Variants in CDK14 observed in about 807,000 individuals in gnomAD.
CDK14 encodes cyclin-dependent kinase 14.
A neutral mutation model predicts 60.7 loss-of-function variants in CDK14; 34 were observed. The observed-to-expected ratio is 0.56, with a 90% CI of 0.43 to 0.75. The LOEUF is 0.75. Ranked by LOEUF, CDK14 falls within the 30% of genes least tolerant of loss-of-function variation. CDK14 has a pLI of 0.00. For synonymous variants in CDK14, 197 were observed against 203.7 expected (o/e 0.97, Z 0.28); for missense variants, 482 against 564.1 (o/e 0.85, Z 1.47).
chr7:91,016,360 T>C (rs1047589166), intron 10 of CDK14, among the ~76,000 whole-genome samples: 2 of 151,820 alleles, frequency 1.3e-5, no homozygotes, highest in Admixed American at 6.6e-5. Flanking sequence ...CTGAATTTTG[T>C]ATTCCTCAAT....
intron 8 of CDK14, among the ~76,000 whole-genome samples, chr7:90,930,329 A>C (rs910243871): frequency 6.6e-6 from 1 of 152,178 alleles, no homozygotes; most frequent in African/African-American, 2.4e-5. Flanking sequence ...GTGCTTTGTC[A>C]CATGTATCCT....
chr7:91,194,798 A>C (rs1462540868), intron 14 of CDK14, among the ~76,000 whole-genome samples: 1 of 152,194 alleles, frequency 6.6e-6, no homozygotes, highest in African/African-American at 2.4e-5. Context: ...GATTTACTGC[A>C]CTGTGTGGGA....
intron 2 of CDK14, among the ~76,000 whole-genome samples, chr7:90,630,760 T>C (rs919105742): frequency 2.0e-5 from 3 of 152,164 alleles, no homozygotes; most frequent in South Asian, 2.1e-4. Context: ...TTGTTGAGAA[T>C]ATTCAGGTGA....
intron 11 of CDK14, among the ~76,000 whole-genome samples, chr7:91,047,501 A>G (rs1797273596): frequency 6.6e-6 from 1 of 152,224 alleles, no homozygotes; most frequent in South Asian, 2.1e-4. Flanking sequence ...CATTGTACAT[A>G]TGTGGTGTTC....
intron 8 of CDK14, among the ~76,000 whole-genome samples, chr7:90,925,941 T>C (rs995235502): frequency 6.6e-6 from 1 of 152,220 alleles, no homozygotes; most frequent in Admixed American, 6.5e-5. Flanking sequence ...AATTGAAATT[T>C]TCTCTAGATT....
At chr7:90,836,719 A>G (rs990631138) in intron 5 of CDK14, among the ~76,000 whole-genome samples, 2 of 152,208 alleles carry the variant, frequency 1.3e-5, no homozygotes, top group Non-Finnish European at 2.9e-5. Flanking sequence ...TGTCTATGCA[A>G]CCCTTTTATA....
intron 9 of CDK14, among the ~76,000 whole-genome samples, chr7:90,978,368 A>G (rs946658795): frequency 6.6e-6 from 1 of 152,186 alleles, no homozygotes; most frequent in African/African-American, 2.4e-5. Flanking sequence ...TTTTGTCGAT[A>G]TAGGGGCACG....
chr7:90,680,234 G>C (rs1400424402), intron 2 of CDK14, among the ~76,000 whole-genome samples: 2 of 152,128 alleles, frequency 1.3e-5, no homozygotes, highest in African/African-American at 4.8e-5. Context: ...AATGATATTA[G>C]AAGGACATCA....
chr7:90,952,011 G>C lies in CDK14; in HGVS notation c.827-3686G>C, dbSNP rs148253383. ...TATTTGAGAAAGCACTGGTTTGAGC[G>C]TATGTGTATATAACCATAGGCAAAA... is the stretch of plus-strand genomic sequence containing the variant. On this transcript the variant is annotated intron_variant, in intron 8 of 14. Transcript: ENST00000380050. Among the ~76,000 whole-genome samples the C allele has an allele frequency of 1.3e-3, 194 of 152,264 alleles. 4 individuals are homozygous for C. The highest frequency in any genetic ancestry group is 2.1e-4 in the Non-Finnish European group (14 of 68,022).
At chr7:90,712,531 CAT>C (rs1252790191) in intron 2 of CDK14, among the ~76,000 whole-genome samples, 1 of 151,960 alleles carries the variant, frequency 6.6e-6, no homozygotes, top group African/African-American at 2.4e-5. Context: ...AGTTTTTCCT[CAT>C]ATGATGACAT....
At chr7:90,983,495 C>T (rs868516124) in intron 9 of CDK14, among the ~76,000 whole-genome samples, 21 of 152,016 alleles carry the variant, frequency 1.4e-4, no homozygotes, top group Admixed American at 5.2e-4. Flanking sequence ...CTGGCTAACA[C>T]GGTGAAACCC....
chr7:91,174,140 T>C (rs1212145454), intron 14 of CDK14, among the ~76,000 whole-genome samples: 3 of 151,906 alleles, frequency 2.0e-5, no homozygotes, highest in Non-Finnish European at 4.4e-5. Context: ...CTCAAGTGGG[T>C]CCCTGACCCC....
chr7:90,986,813 T>C (rs1201258634), intron 10 of CDK14, among the ~76,000 whole-genome samples: 1 of 151,986 alleles, frequency 6.6e-6, no homozygotes, highest in Non-Finnish European at 1.5e-5. Flanking sequence ...CTGATAATTT[T>C]CTGAACTTTA....
chr7:90,872,654 C>A (rs1275058533), intron 6 of CDK14, among the ~76,000 whole-genome samples: 3 of 151,312 alleles, frequency 2.0e-5, no homozygotes, highest in African/African-American at 7.3e-5. Flanking sequence ...ACTGAGATAT[C>A]AATTTTTTTC....
At chr7:90,967,177 GGGAAGGAA>G (rs3832536) in intron 9 of CDK14, among the ~76,000 whole-genome samples, 5 of 136,376 alleles carry the variant, frequency 3.7e-5, no homozygotes, top group South Asian at 2.5e-4. Flanking sequence ...GAAGGAAGGA[GGGAAGGAA>G]GGAAGGAAGG....
At chr7:90,846,139 T>C (rs774658923) in intron 5 of CDK14, among the ~76,000 whole-genome samples, 1 of 152,184 alleles carries the variant, frequency 6.6e-6, no homozygotes, top group African/African-American at 2.4e-5. Flanking sequence ...TTTTCCCATC[T>C]GTGACTCTTC....
At position 90,734,117 on chromosome 7, in the gene CDK14, G is replaced by A. The variant is rs147441647; in HGVS notation, c.369+7305G>A. On this transcript the variant is annotated intron_variant, in intron 3 of 14. Transcript: ENST00000380050. ...TTCTGGGTTGAAAATACTTTCCTTC[G>A]AGAATGTTGAATATTGGCCTCCACT... Among the ~76,000 whole-genome samples, 50 of 152,158 alleles carry A rather than the reference G, an allele frequency of 3.3e-4. No individual in the cohort carries two copies. In the East Asian group the frequency reaches 6.6e-3, roughly 20 times the overall value.
At chr7:91,149,831 CCT>C (rs1296064561) in intron 14 of CDK14, among the ~76,000 whole-genome samples, 1 of 152,128 alleles carries the variant, frequency 6.6e-6, no homozygotes, top group Non-Finnish European at 1.5e-5. Flanking sequence ...CTGTTTTCCC[CCT>C]CTCTTTACTG....
chr7:90,898,304 G>T (rs1426335953), intron 6 of CDK14, among the ~76,000 whole-genome samples: 2 of 152,032 alleles, frequency 1.3e-5, no homozygotes, highest in Admixed American at 1.3e-4. Context: ...ATTACATGAT[G>T]AATGATGAAG....
Sources: allele counts gnomAD v4.1 joint callset (sites outside exome capture counted in the v4.1 genomes callset), GRCh38; gene constraint gnomAD v4.1.1; transcripts MANE v1.5; gene names NCBI Gene and HGNC (gene_info 2026-07-23, HGNC 2026-07-21).